The following WDFY2 variants were observed in gnomAD, a reference collection of about 807,000 sequenced individuals.
WDFY2 encodes the protein WD repeat and FYVE domain-containing protein 2.
A neutral mutation model predicts 56.4 loss-of-function variants in WDFY2; 36 were observed. That is an observed-to-expected ratio of 0.64 (90% CI 0.49 to 0.84). The LOEUF (loss-of-function observed/expected upper bound fraction) is 0.84, where lower values mean the gene tolerates loss of function less well. WDFY2 is among the 40% of genes least tolerant of loss of function. WDFY2 has a pLI of 0.00. For missense variants in WDFY2, 444 were observed against 512.2 expected, an observed-to-expected ratio of 0.87 and a Z score of 1.29; for synonymous variants, 176 against 183.7, an observed-to-expected ratio of 0.96 and a Z score of 0.34.
rs184068951 is a variant in WDFY2, at chr13:51,660,502, A to C, written c.138-94A>C. 3.0e-4 allele frequency: 372 copies of C among 1,235,818 alleles called. 1 individual carries two copies. The African/African-American group carries it at 4.9e-3, about 16-fold the overall frequency. 76.6% of individuals were successfully genotyped at this position (1,235,818 alleles called of 1,614,324 possible). On this transcript the variant is annotated intron_variant, in intron 1 of 11. Transcript: ENST00000298125. ...TTGAGCCACCGCGCCTGGCCTCTCT[A>C]TATATAATATTAAGAGATTTGTTTT...
chr13:51,708,374 G>A (rs1177133137), intron 4 of WDFY2, among the ~76,000 whole-genome samples: 2 of 151,614 alleles, frequency 1.3e-5, no homozygotes. Flanking sequence ...AGCTACTAGG[G>A]AGGCTAAGGT....
At chr13:51,641,166 G>A (rs1305168620) in intron 1 of WDFY2, among the ~76,000 whole-genome samples, 3 of 152,008 alleles carry the variant, frequency 2.0e-5, no homozygotes, top group East Asian at 2.0e-4. Context: ...TCCGCCCTCC[G>A]AGTTCAAATG....
chr13:51,702,081 G>A (rs1951996803), intron 3 of WDFY2, among the ~76,000 whole-genome samples: 1 of 152,126 alleles, frequency 6.6e-6, no homozygotes. Flanking sequence ...GGAGGCCGAG[G>A]TGGGCGGATC....
At chr13:51,659,655 C>T (rs1955575519) in intron 1 of WDFY2, among the ~76,000 whole-genome samples, 1 of 152,138 alleles carries the variant, frequency 6.6e-6, no homozygotes, top group Non-Finnish European at 1.5e-5. Context: ...CTGACTTTTC[C>T]TAGGTGTCTG....
rs556842030 is a variant in WDFY2 at position 51,707,395 on chromosome 13, G to A, written c.334+3745G>A. Among the ~76,000 whole-genome samples, 8 of 152,272 alleles carry A rather than the reference G, an allele frequency of 5.3e-5. No homozygotes were observed. In the East Asian group the frequency reaches 1.5e-3, roughly 29 times the overall value. On this transcript the variant is annotated intron_variant, in intron 4 of 11. Coordinates refer to ENST00000298125, the MANE Select transcript of WDFY2 (RefSeq NM_052950.4). ...GCTGGTCTCGAACTCCTAAGCTCAAGCAATCCACCAACCTTGGCCTCCCAA... is the reference window on the plus strand; with the variant it reads ...GCTGGTCTCGAACTCCTAAGCTCAAACAATCCACCAACCTTGGCCTCCCAA...
At chr13:51,600,414 C>T (rs1954250844) in intron 1 of WDFY2, among the ~76,000 whole-genome samples, 1 of 152,166 alleles carries the variant, frequency 6.6e-6, no homozygotes, top group Admixed American at 6.5e-5. Context: ...GTCTCTTCTC[C>T]CTACTGCTCA....
intron 3 of WDFY2, among the ~76,000 whole-genome samples, chr13:51,690,633 G>A (rs901996208): frequency 2.6e-5 from 4 of 152,002 alleles, no homozygotes; most frequent in East Asian, 1.9e-4. Flanking sequence ...CTTTGCTGTC[G>A]TGAATAATGC....
At chr13:51,651,034 C>A (rs1224361888) in intron 1 of WDFY2, among the ~76,000 whole-genome samples, 1 of 152,192 alleles carries the variant, frequency 6.6e-6, no homozygotes, top group Non-Finnish European at 1.5e-5. Context: ...GCTGTGACTG[C>A]ATCTGGTCCT....
chr13:51,697,861 G>T (rs570993249), intron 3 of WDFY2, among the ~76,000 whole-genome samples: 44 of 152,248 alleles, frequency 2.9e-4, no homozygotes, highest in African/African-American at 1.0e-3. Context: ...ACGGGGAAAA[G>T]CTTAAGAAGC....
intron 11 of WDFY2, among the ~76,000 whole-genome samples, chr13:51,759,070 A>G (rs1953494104): frequency 6.6e-6 from 1 of 152,164 alleles, no homozygotes; most frequent in Admixed American, 6.5e-5. Flanking sequence ...TAGTCCAGCT[A>G]CTTGGGAGGC....
chr13:51,712,132 T>A (rs564819417), intron 4 of WDFY2, among the ~76,000 whole-genome samples: 2 of 152,224 alleles, frequency 1.3e-5, no homozygotes, highest in Admixed American at 6.5e-5. Flanking sequence ...ACAGGATGAG[T>A]TCATGTCCTT....
intron 3 of WDFY2, among the ~76,000 whole-genome samples, chr13:51,694,877 G>A (rs1389918552): frequency 2.6e-5 from 4 of 150,986 alleles, no homozygotes; most frequent in Admixed American, 6.6e-5. Context: ...GGCTTTGTTC[G>A]TTTCTTTTTG....
At chr13:51,651,755 G>GT (rs917846422) in intron 1 of WDFY2, among the ~76,000 whole-genome samples, 14 of 152,178 alleles carry the variant, frequency 9.2e-5, no homozygotes, top group African/African-American at 3.4e-4. Flanking sequence ...CTGAGTTCTA[G>GT]TTTGATTGCA....
chr13:51,746,713 CAG>C (rs1179148128), intron 7 of WDFY2, among the ~76,000 whole-genome samples: 2 of 138,690 alleles, frequency 1.4e-5, no homozygotes, highest in Admixed American at 7.1e-5. Context: ...CTTATAATAA[CAG>C]AGTTTACGAA....
chr13:51,661,740 C>T (rs1481964062), intron 2 of WDFY2, among the ~76,000 whole-genome samples: 2 of 152,080 alleles, frequency 1.3e-5, no homozygotes, highest in East Asian at 1.9e-4. Context: ...AGTAAATAGA[C>T]GATAATAACC....
At chr13:51,712,626 G>C (rs899042263) in intron 4 of WDFY2, among the ~76,000 whole-genome samples, 2 of 151,534 alleles carry the variant, frequency 1.3e-5, no homozygotes, top group Non-Finnish European at 2.9e-5. Context: ...AAAAAGGAGA[G>C]ATCAGTAGAA....
chr13:51,705,953 T>G (rs1272122600), intron 4 of WDFY2, among the ~76,000 whole-genome samples: 1 of 152,206 alleles, frequency 6.6e-6, no homozygotes, highest in East Asian at 1.9e-4. Context: ...TCTGACTAAT[T>G]TTGTGTTTTT....
At chr13:51,654,304 C>A (rs1593941431) in intron 1 of WDFY2, among the ~76,000 whole-genome samples, 1 of 152,168 alleles carries the variant, frequency 6.6e-6, no homozygotes, top group Non-Finnish European at 1.5e-5. Flanking sequence ...CCATCTTTCA[C>A]CCCTTTCCTT....
chr13:51,725,357 A>G (rs2138647383), intron 5 of WDFY2, among the ~76,000 whole-genome samples: 1 of 152,262 alleles, frequency 6.6e-6, no homozygotes, highest in Middle Eastern at 3.4e-3. Flanking sequence ...CATAGTTCCC[A>G]TTTGGAATCC....
Sources: gnomAD v4.1 joint callset for allele counts (sites outside exome capture counted in the v4.1 genomes callset) on GRCh38, gnomAD v4.1.1 for gene constraint, MANE v1.5 for transcripts, NCBI Gene and HGNC (gene_info 2026-07-23, HGNC 2026-07-21) for gene names.